The following TBC1D22A variants were observed in gnomAD, a reference collection of about 807,000 sequenced individuals.
TBC1D22A encodes putative GTPase activator.
In TBC1D22A, 38 loss-of-function variants were observed where a neutral mutation model predicts 60.2. That is an observed-to-expected ratio of 0.63 (90% CI 0.49 to 0.83). The LOEUF is 0.83. Ranked by LOEUF, TBC1D22A falls within the 40% of genes least tolerant of loss-of-function variation. The pLI, the probability that TBC1D22A is intolerant of heterozygous loss-of-function variation, is 0.00. For synonymous variants in TBC1D22A, 302 were observed against 281.7 expected, an observed-to-expected ratio of 1.07 and a Z score of -0.72; for missense variants, 628 against 701.0, an observed-to-expected ratio of 0.90 and a Z score of 1.18.
At chr22:46,858,889 A>C (rs1239060334) in intron 4 of TBC1D22A, among the ~76,000 whole-genome samples, 2 of 152,248 alleles carry the variant, frequency 1.3e-5, no homozygotes, top group Admixed American at 6.5e-5. Flanking sequence ...ATGAGTGTTA[A>C]AACTAGCAAA....
chr22:46,930,448 T>TC (rs1399153627), intron 8 of TBC1D22A, among the ~76,000 whole-genome samples: 1 of 152,038 alleles, frequency 6.6e-6, no homozygotes, highest in African/African-American at 2.4e-5. Context: ...CTGTTTTTTT[T>TC]CCTTGCATTT....
chr22:46,904,404 A>C (rs1318027), intron 7 of TBC1D22A, among the ~76,000 whole-genome samples: 1 of 151,002 alleles, frequency 6.6e-6, no homozygotes, highest in African/African-American at 2.4e-5. Context: ...CCTCGGCAAT[A>C]CCATCCGAGT....
chr22:46,873,840 C>G (rs983702299), intron 4 of TBC1D22A, among the ~76,000 whole-genome samples: 19 of 151,424 alleles, frequency 1.3e-4, no homozygotes, highest in Non-Finnish European at 2.4e-4. Context: ...GTCACCAAGG[C>G]TGGAGAGGTG....
At chr22:46,913,741 C>T in intron 8 of TBC1D22A, 1 of 985,304 alleles carries the variant, frequency 1.0e-6, no homozygotes, top group Non-Finnish European at 1.2e-6. Flanking sequence ...ATTGATATTC[C>T]ATGTTAAATA....
intron 4 of TBC1D22A, among the ~76,000 whole-genome samples, chr22:46,861,561 C>T (rs1273062687): frequency 6.6e-6 from 1 of 152,204 alleles, no homozygotes. Flanking sequence ...GAATTTGTCT[C>T]TGAGGACATT....
At chr22:47,041,506 G>A (rs187596223) in intron 11 of TBC1D22A, among the ~76,000 whole-genome samples, 1 of 152,216 alleles carries the variant, frequency 6.6e-6, no homozygotes, top group Non-Finnish European at 1.5e-5. Flanking sequence ...TTCTATACAT[G>A]GAGGCTCTAG....
At chr22:47,001,011 T>A (rs1453240850) in intron 10 of TBC1D22A, among the ~76,000 whole-genome samples, 2 of 152,136 alleles carry the variant, frequency 1.3e-5, no homozygotes, top group African/African-American at 4.8e-5. Context: ...ATCCCAAAGC[T>A]GGTTGTGGTT....
At chr22:46,972,243 T>C (rs1042119887) in intron 8 of TBC1D22A, among the ~76,000 whole-genome samples, 1 of 152,240 alleles carries the variant, frequency 6.6e-6, no homozygotes, top group African/African-American at 2.4e-5. Flanking sequence ...TTCCAATCTT[T>C]AAAGTCGCTT....
At chr22:46,894,088 C>T (rs897123105) in intron 6 of TBC1D22A, among the ~76,000 whole-genome samples, 10 of 152,182 alleles carry the variant, frequency 6.6e-5, no homozygotes, top group African/African-American at 2.2e-4. Flanking sequence ...TGTCTTCCCT[C>T]AGTCCATTGG....
intron 8 of TBC1D22A, among the ~76,000 whole-genome samples, chr22:46,923,651 G>T (rs1439717459): frequency 6.6e-6 from 1 of 152,246 alleles, no homozygotes; most frequent in Non-Finnish European, 1.5e-5. Flanking sequence ...CCTGTGTATG[G>T]CCACCAGGCA....
intron 6 of TBC1D22A, among the ~76,000 whole-genome samples, chr22:46,893,355 G>A (rs2068502162): frequency 6.6e-6 from 1 of 152,158 alleles, no homozygotes; most frequent in Non-Finnish European, 1.5e-5. Context: ...CAGGCGGGAT[G>A]GATGGAGGGG....
chr22:47,006,070 C>T (rs569087148), intron 10 of TBC1D22A, among the ~76,000 whole-genome samples: 107 of 152,230 alleles, frequency 7.0e-4, no homozygotes, highest in African/African-American at 2.5e-3. Context: ...TTAGACACAC[C>T]CACTTTAGAT....
chr22:46,810,520 TTATTA>T (rs2085335828), intron 4 of TBC1D22A, among the ~76,000 whole-genome samples: 1 of 152,210 alleles, frequency 6.6e-6, no homozygotes, highest in African/African-American at 2.4e-5. Flanking sequence ...ATCTTTTATT[TTATTA>T]TGAGGGTCAA....
At chr22:47,158,362 G>A (rs1412249083) in intron 12 of TBC1D22A, among the ~76,000 whole-genome samples, 2 of 152,330 alleles carry the variant, frequency 1.3e-5, no homozygotes, top group East Asian at 1.9e-4. Context: ...ACTGTCATTC[G>A]TCTTGGATGA....
intron 10 of TBC1D22A, among the ~76,000 whole-genome samples, chr22:47,010,198 G>A (rs1676661220): frequency 6.6e-6 from 1 of 152,198 alleles, no homozygotes; most frequent in African/African-American, 2.4e-5. Context: ...ATAGAATTCA[G>A]TTACAGCTAG....
At chr22:46,904,919 C>T (rs1032712994) in intron 7 of TBC1D22A, among the ~76,000 whole-genome samples, 1 of 152,024 alleles carries the variant, frequency 6.6e-6, no homozygotes, top group Non-Finnish European at 1.5e-5. Flanking sequence ...GGACTACAGG[C>T]GCCTGCCACC....
At chr22:46,786,801 A>G (rs1368997999) in intron 1 of TBC1D22A, among the ~76,000 whole-genome samples, 2 of 152,060 alleles carry the variant, frequency 1.3e-5, no homozygotes, top group African/African-American at 4.8e-5. Flanking sequence ...TGATCCTCCC[A>G]CGTCAGCCTT....
intron 1 of TBC1D22A, chr22:46,774,256 C>G (rs1466305039): frequency 5.1e-6 from 5 of 985,316 alleles, no homozygotes; most frequent in East Asian, 1.1e-4. Context: ...TGTTCTAGGT[C>G]CCCCCTGGTG....
At chr22:47,166,722 C>T (rs1007391352) in intron 12 of TBC1D22A, among the ~76,000 whole-genome samples, 14 of 152,244 alleles carry the variant, frequency 9.2e-5, no homozygotes, top group African/African-American at 3.4e-4. Flanking sequence ...GGAGTGGGGC[C>T]CGGCATGAGG....
Sources: gnomAD v4.1 joint callset for allele counts (sites outside exome capture counted in the v4.1 genomes callset) on GRCh38, gnomAD v4.1.1 for gene constraint, MANE v1.5 for transcripts, NCBI Gene and HGNC (gene_info 2026-07-23, HGNC 2026-07-21) for gene names.